The following FADS2 variants were observed in gnomAD, a reference collection of about 807,000 sequenced individuals.
FADS2 encodes acyl-CoA 6-desaturase.
A neutral mutation model predicts 61.2 loss-of-function variants in FADS2; 18 were observed. The ratio of observed to expected loss-of-function variants is 0.29; its 90% CI spans 0.20 to 0.44. The LOEUF is 0.44. Among genes scored for constraint, FADS2 ranks in the 20% least tolerant of loss-of-function variants. FADS2 has a pLI of 1.00. For synonymous variants in FADS2, 203 were observed against 223.9 expected (o/e 0.91, Z 0.83); for missense variants, 322 against 572.7 (o/e 0.56, Z 4.47).
chr11:61,821,439 C>T, intron 1 of FADS2: 1 of 701,560 alleles, frequency 1.4e-6, no homozygotes. Context: ...AATAACCTAA[C>T]TGCCAGTGGC....
intron 5 of FADS2, among the ~76,000 whole-genome samples, chr11:61,850,848 T>C (rs2067300742): frequency 6.6e-6 from 1 of 152,124 alleles, no homozygotes; most frequent in African/African-American, 2.4e-5. Flanking sequence ...AGTGAAGTAG[T>C]ATTCCCGACA....
intron 4 of FADS2, 47 bp from the exon 5 acceptor site, chr11:61,848,112 T>A (rs1320683671): frequency 6.2e-7 from 1 of 1,613,174 alleles, no homozygotes; most frequent in South Asian, 1.1e-5. Context: ...GCGAGCTCGG[T>A]TCCCTGGTGG....
intron 7 of FADS2, among the ~76,000 whole-genome samples, chr11:61,860,293 T>A (rs1486688259): frequency 6.6e-6 from 1 of 152,200 alleles, no homozygotes; most frequent in Non-Finnish European, 1.5e-5. Context: ...GTGTGGAGGT[T>A]GGGGGACCCT....
chr11:61,821,445 G>C (rs1273936392), intron 1 of FADS2: 1 of 701,648 alleles, frequency 1.4e-6, no homozygotes. Flanking sequence ...CTAACTGCCA[G>C]TGGCTGTTGG....
chr11:61,851,350 C>T (rs141446400), intron 5 of FADS2, among the ~76,000 whole-genome samples: 27 of 152,268 alleles, frequency 1.8e-4, no homozygotes, highest in African/African-American at 6.5e-4. Flanking sequence ...TTCTCACCCC[C>T]GACACTTCTG....
At chr11:61,837,745 G>GTC in intron 1 of FADS2, 33 bp from the exon 2 acceptor site, 7 of 1,471,730 alleles carry the variant, frequency 4.8e-6, no homozygotes, top group Non-Finnish European at 6.6e-6. Flanking sequence ...CAGAGTTCAG[G>GTC]TCTTAGCCTC....
At chr11:61,839,618 G>T (rs1274596962) in intron 2 of FADS2, among the ~76,000 whole-genome samples, 1 of 152,142 alleles carries the variant, frequency 6.6e-6, no homozygotes, top group African/African-American at 2.4e-5. Flanking sequence ...TTTTAAAAAA[G>T]TGTGGTCAAC....
intron 1 of FADS2, among the ~76,000 whole-genome samples, chr11:61,830,986 G>A (rs1436197173): frequency 6.6e-6 from 1 of 152,212 alleles, no homozygotes; most frequent in Non-Finnish European, 1.5e-5. Context: ...CCTGTCCCCA[G>A]AGCTTCCTGT....
chr11:61,826,495 A>G, upstream of FADS2: 2 of 623,144 alleles, frequency 3.2e-6, no homozygotes, highest in South Asian at 3.6e-5. Context: ...CATTAAAGTT[A>G]TCTATATGGT....
At chr11:61,846,131 C>CTTTTTTTTTTTTT (rs550169322) in intron 4 of FADS2, among the ~76,000 whole-genome samples, 4 of 130,478 alleles carry the variant, frequency 3.1e-5, no homozygotes, top group East Asian at 4.6e-4. Flanking sequence ...TCTTTCTTTT[C>CTTTTTTTTTTTTT]TTTTTTTTTT....
intron 1 of FADS2, among the ~76,000 whole-genome samples, chr11:61,820,522 AG>A (rs2067029425): frequency 6.6e-6 from 1 of 152,174 alleles, no homozygotes; most frequent in Admixed American, 6.5e-5. Context: ...CTTATAATCC[AG>A]GATAGGGCTG....
intron 2 of FADS2, among the ~76,000 whole-genome samples, chr11:61,838,302 C>T (rs1196003629): frequency 6.6e-6 from 1 of 151,530 alleles, no homozygotes; most frequent in Admixed American, 6.6e-5. Context: ...AGGTCAGACG[C>T]CCCCCTGGGT....
At chr11:61,860,500 C>T (rs1363870661) in intron 7 of FADS2, among the ~76,000 whole-genome samples, 1 of 152,222 alleles carries the variant, frequency 6.6e-6, no homozygotes, top group East Asian at 1.9e-4. Flanking sequence ...TGTTGGCTTC[C>T]AGGTCCCCAC....
intron 4 of FADS2, among the ~76,000 whole-genome samples, chr11:61,845,396 T>C (rs1380911836): frequency 6.6e-6 from 1 of 152,142 alleles, no homozygotes; most frequent in Non-Finnish European, 1.5e-5. Context: ...TGCACCACAT[T>C]CTGGGAACAC....
intron 1 of FADS2, among the ~76,000 whole-genome samples, chr11:61,832,101 C>T (rs1034473624): frequency 1.3e-5 from 2 of 152,202 alleles, no homozygotes; most frequent in African/African-American, 2.4e-5. Flanking sequence ...TGGATCTGGA[C>T]CCTCTGCCTC....
chr11:61,842,914 G>A (rs1300798781), intron 4 of FADS2, among the ~76,000 whole-genome samples: 2 of 152,228 alleles, frequency 1.3e-5, no homozygotes, highest in Non-Finnish European at 2.9e-5. Flanking sequence ...GCACAGGCTG[G>A]AAAGACCTGT....
intron 7 of FADS2, chr11:61,862,235 G>A (rs995578502): frequency 3.1e-4 from 48 of 152,418 alleles, no homozygotes; most frequent in African/African-American, 1.1e-3. Context: ...TGCTTGGAGC[G>A]AAGGCCACTC....
At position 61,865,746 on chromosome 11, in the gene FADS2, G is replaced by A. The variant is rs2067463103; in HGVS notation, c.*57G>A. On this transcript the variant is annotated 3_prime_UTR_variant, in exon 12 of 12. Coordinates refer to ENST00000278840, the MANE Select transcript of FADS2 (RefSeq NM_004265.4). This position sits in a 1 kb window ranked among gnomAD's most constrained non-coding sequence, Gnocchi z 4.1. Reference sequence around the variant, plus strand: ...GGTGCAGGTGGGGTGATGGCCAGAGGAATGATGGGCTTTTGTTCTGAGGGG... The same window carrying A: ...GGTGCAGGTGGGGTGATGGCCAGAGAAATGATGGGCTTTTGTTCTGAGGGG... 2 of 1,468,566 alleles carry A rather than the reference G, an allele frequency of 1.4e-6. No homozygotes were observed. The highest frequency in any genetic ancestry group is 1.9e-6 in the Non-Finnish European group (2 of 1,059,462). 91.0% of individuals were successfully genotyped at this position (1,468,566 alleles called of 1,614,324 possible). A position where few individuals can be genotyped will look rare whatever the true frequency, so the allele number is the denominator to read the frequency against.
chr11:61,816,734 C>T lies in FADS2; in HGVS notation c.141+308C>T, dbSNP rs995457238. ...GGGGTAGGTCCCTGAGCCGCGGTCT[C>T]GGCGGCCACCGGGTCGGGGGCCATA... is the stretch of plus-strand genomic sequence containing the variant. On this transcript the variant is annotated intron_variant, in intron 1 of 11. Transcript: ENST00000257261. This position sits in a 1 kb window ranked among gnomAD's most constrained non-coding sequence, Gnocchi z 7.0. 2 of 1,555,818 alleles carry T rather than the reference C, an allele frequency of 1.3e-6. No individual in the cohort carries two copies. Among genetic ancestry groups the T allele is most frequent in the East Asian group, 2.4e-5 (1 of 41,670 alleles).
Sources: gnomAD v4.1 joint callset for allele counts (sites outside exome capture counted in the v4.1 genomes callset) on GRCh38, gnomAD v4.1.1 for gene constraint, Gnocchi (gnomAD v3.1) non-coding constraint, MANE v1.5 for transcripts, NCBI Gene and HGNC (gene_info 2026-07-23, HGNC 2026-07-21) for gene names.